Variants in PCDHGB2 observed in about 807,000 individuals in gnomAD.
PCDHGB2 encodes protocadherin gamma subfamily B, 2, also known as protocadherin gamma-B2.
In PCDHGB2, 55 loss-of-function variants were observed where a neutral mutation model predicts 59.3. That is an observed-to-expected ratio of 0.93 (90% CI 0.75 to 1.16). The LOEUF is 1.16. Among genes scored for constraint, PCDHGB2 ranks in the 50% most tolerant of loss-of-function variants. The pLI, the probability that PCDHGB2 is intolerant of heterozygous loss-of-function variation, is 0.00. For missense variants in PCDHGB2, 1,228 were observed against 1,198.5 expected, an observed-to-expected ratio of 1.02 and a Z score of -0.36; for synonymous variants, 516 against 512.0, an observed-to-expected ratio of 1.01 and a Z score of -0.11.
chr5:141,483,013 A>C (rs2154579792), intron 1 of PCDHGB2, among the ~76,000 whole-genome samples: 1 of 152,106 alleles, frequency 6.6e-6, no homozygotes, highest in Middle Eastern at 3.4e-3. Flanking sequence ...TGAACCCGGG[A>C]GGCAGAGGTT....
chr5:141,393,427 A>G (rs2092758301), intron 1 of PCDHGB2: 2 of 1,613,922 alleles, frequency 1.2e-6, no homozygotes, highest in Admixed American at 3.3e-5. Flanking sequence ...AGGGAGGAAG[A>G]GGCTGCTCAC....
At chr5:141,371,162 C>A (rs1767541774) in intron 1 of PCDHGB2, 3 of 1,613,860 alleles carry the variant, frequency 1.9e-6, no homozygotes, top group African/African-American at 2.7e-5. Flanking sequence ...AGAACCTGCC[C>A]GCTGGCTCCT....
intron 1 of PCDHGB2, among the ~76,000 whole-genome samples, chr5:141,434,245 T>G (rs921135977): frequency 3.3e-5 from 5 of 152,224 alleles, no homozygotes; most frequent in African/African-American, 1.2e-4. Context: ...CTAGATGACT[T>G]GGGCATTGTG....
chr5:141,369,443 G>T (rs1052997530), intron 1 of PCDHGB2, among the ~76,000 whole-genome samples: 1 of 152,056 alleles, frequency 6.6e-6, no homozygotes, highest in Non-Finnish European at 1.5e-5. Context: ...GAGGTGGGAG[G>T]ATTGCTTAAA....
intron 1 of PCDHGB2, chr5:141,421,806 A>G: frequency 6.2e-7 from 1 of 1,613,842 alleles, no homozygotes; most frequent in Non-Finnish European, 8.5e-7. Context: ...CCAAGAATCC[A>G]GAGCTAGTAC....
chr5:141,417,507 A>G (rs573832786), intron 1 of PCDHGB2: 1 of 234,942 alleles, frequency 4.3e-6, no homozygotes, highest in Non-Finnish European at 8.1e-6. Context: ...AAAGATTAAA[A>G]TATTTTGGCT....
Position 141,487,302 on chromosome 5 carries a change from C to T in PCDHGB2, c.2422-7505C>T, listed in dbSNP as rs763268817. 3.7e-6 allele frequency: 6 copies of T among 1,614,154 alleles called. No homozygotes were observed. The highest frequency in any genetic ancestry group is 3.4e-6 in the Non-Finnish European group (4 of 1,180,002). On this transcript the variant is annotated intron_variant, in intron 1 of 3. Transcript: ENST00000522605. This position sits in a 1 kb window ranked among gnomAD's most constrained non-coding sequence, Gnocchi z 5.0. ...TTTGTCTCCTTTGGCTCATTCGTGGCACTACTCTCTAAGTGTCTTCGTGGG... is the reference window on the plus strand; with the variant it reads ...TTTGTCTCCTTTGGCTCATTCGTGGTACTACTCTCTAAGTGTCTTCGTGGG...
chr5:141,409,502 T>C, intron 1 of PCDHGB2: 2 of 1,613,986 alleles, frequency 1.2e-6, no homozygotes, highest in South Asian at 1.1e-5. Flanking sequence ...GCCTCTTTCT[T>C]CCAGTAGAAG....
chr5:141,390,583 AATGAG>A (rs1352765004), intron 1 of PCDHGB2: 1 of 348,204 alleles, frequency 2.9e-6, no homozygotes, highest in Non-Finnish European at 5.2e-6. Context: ...CTAAAAAGTG[AATGAG>A]ATTTTTCCTA....
rs377532961 is a variant in PCDHGB2 at position 141,366,656 on chromosome 5, G to A, written c.2421+4100G>A. ...CCTGATCTTTCCCCAGCCCAACTAC[G>A]CAGACACGCTCCTTAGTGAAGAGAG... On this transcript the variant is annotated intron_variant, in intron 1 of 3. Coordinates refer to ENST00000522605, the MANE Select transcript of PCDHGB2 (RefSeq NM_018923.3). 62 of 1,614,120 alleles carry A rather than the reference G, an allele frequency of 3.8e-5. No individual in the cohort carries two copies. In the South Asian group the frequency reaches 4.8e-4, roughly 13 times the overall value.
chr5:141,408,937 C>T (rs2095198483), intron 1 of PCDHGB2: 5 of 1,613,344 alleles, frequency 3.1e-6, no homozygotes, highest in African/African-American at 1.3e-5. Flanking sequence ...TCAGCAGAGA[C>T]GAATATAGAA....
In PCDHGB2 at chr5:141,393,995, A is replaced by C. The variant is rs201832611; in HGVS notation, c.2421+31439A>C. On this transcript the variant is annotated intron_variant, in intron 1 of 3. Coordinates refer to ENST00000522605, the MANE Select transcript of PCDHGB2 (RefSeq NM_018923.3). ...CACGTGATAATTTACCTTTTAAATT[A>C]GAAAAGTCAATAGGTAATTATTATA... is the stretch of plus-strand genomic sequence containing the variant. The C allele has an allele frequency of 8.1e-6, 13 of 1,613,430 alleles. No homozygotes were observed. Among genetic ancestry groups the C allele is most frequent in the Non-Finnish European group, 1.1e-5 (13 of 1,179,634 alleles).
At chr5:141,399,609 T>C in intron 1 of PCDHGB2, 2 of 1,613,918 alleles carry the variant, frequency 1.2e-6, no homozygotes, top group Non-Finnish European at 1.7e-6. Flanking sequence ...ACCTAGAGCC[T>C]CTGGCACTGG....
At chr5:141,403,721 C>G (rs748888364) in intron 1 of PCDHGB2, 2 of 1,613,872 alleles carry the variant, frequency 1.2e-6, no homozygotes, top group East Asian at 2.2e-5. Flanking sequence ...GAACGTGCCC[C>G]CAGGCACCTG....
chr5:141,435,642 T>C lies in PCDHGB2; in HGVS notation c.2422-59165T>C, dbSNP rs1326178929. On this transcript the variant is annotated intron_variant, in intron 1 of 3. Coordinates refer to ENST00000522605, the MANE Select transcript of PCDHGB2 (RefSeq NM_018923.3). ...CATAACTTTTACAACTATGGGAAAA[T>C]TTCTGAAACGTGCACAGATTCCAAG... Among the ~76,000 whole-genome samples the C allele has an allele frequency of 2.0e-5, 3 of 152,156 alleles. No individual in the cohort carries two copies. The East Asian group carries it at 5.8e-4, about 29-fold the overall frequency.
chr5:141,487,304 C>T lies in PCDHGB2; in HGVS notation c.2422-7503C>T. The T allele has an allele frequency of 6.2e-7, 1 of 1,614,190 alleles. No homozygotes were observed. The highest frequency in any genetic ancestry group is 8.5e-7 in the Non-Finnish European group (1 of 1,180,042). On this transcript the variant is annotated intron_variant, in intron 1 of 3. Transcript: ENST00000522605. This position sits in a 1 kb window ranked among gnomAD's most constrained non-coding sequence, Gnocchi z 5.0. ...TGTCTCCTTTGGCTCATTCGTGGCA[C>T]TACTCTCTAAGTGTCTTCGTGGGGC...
chr5:141,490,050 C>T lies in PCDHGB2; in HGVS notation c.2422-4757C>T, dbSNP rs1400735375. On this transcript the variant is annotated intron_variant, in intron 1 of 3. Transcript: ENST00000522605. This position sits in a 1 kb window ranked among gnomAD's most constrained non-coding sequence, Gnocchi z 5.4. ...TCCGCCTCAATGCCACTGATCCAGA[C>T]GAGGGCACCAACGGCCAACTAGACT... The T allele has an allele frequency of 1.2e-6, 2 of 1,614,224 alleles. No individual in the cohort carries two copies. The highest frequency in any genetic ancestry group is 1.7e-6 in the Non-Finnish European group (2 of 1,180,022).
chr5:141,415,744 T>TG (rs2095925177), intron 1 of PCDHGB2: 4 of 404,428 alleles, frequency 9.9e-6, no homozygotes, highest in Admixed American at 2.1e-4. Flanking sequence ...ATTAAGGTTT[T>TG]TTTTTTTTTT....
chr5:141,464,328 C>T (rs2099081878), intron 1 of PCDHGB2, among the ~76,000 whole-genome samples: 1 of 150,722 alleles, frequency 6.6e-6, no homozygotes, highest in Admixed American at 6.6e-5. Context: ...CTGTTCAACC[C>T]ATCTATGACT....
Sources: allele counts gnomAD v4.1 joint callset (sites outside exome capture counted in the v4.1 genomes callset), GRCh38; gene constraint gnomAD v4.1.1; non-coding constraint Gnocchi (gnomAD v3.1); transcripts MANE v1.5; gene names NCBI Gene and HGNC (gene_info 2026-07-23, HGNC 2026-07-21).